Variants in OPCML observed in about 807,000 individuals in gnomAD.
OPCML encodes opioid binding protein/cell adhesion molecule like.
In OPCML, 13 loss-of-function variants were observed where a neutral mutation model predicts 37.8. That is an observed-to-expected ratio of 0.34 (90% CI 0.22 to 0.55). OPCML has a LOEUF of 0.55. Among genes scored for constraint, OPCML ranks in the 20% least tolerant of loss-of-function variants. OPCML has a pLI of 0.91. For synonymous variants in OPCML, 176 were observed against 168.8 expected, an observed-to-expected ratio of 1.04 and a Z score of -0.33; for missense variants, 341 against 435.6, an observed-to-expected ratio of 0.78 and a Z score of 1.93.
chr11:133,215,205 A>AGTGTGT (rs1555116219), intron 1 of OPCML, among the ~76,000 whole-genome samples: 1 of 151,404 alleles, frequency 6.6e-6, no homozygotes, highest in African/African-American at 2.4e-5. Flanking sequence ...AGAGAGAGAG[A>AGTGTGT]GTGTGTGTGT....
At chr11:132,779,541 T>C (rs1451228573) in intron 2 of OPCML, among the ~76,000 whole-genome samples, 1 of 143,394 alleles carries the variant, frequency 7.0e-6, no homozygotes, top group South Asian at 2.3e-4. Context: ...TTGTGAGTGA[T>C]GATAGATAGA....
At chr11:133,454,740 G>A (rs61912404) in intron 1 of OPCML, among the ~76,000 whole-genome samples, 2 of 152,126 alleles carry the variant, frequency 1.3e-5, no homozygotes, top group Non-Finnish European at 2.9e-5. Flanking sequence ...GCTATATCAC[G>A]ATGTCTTTGG....
chr11:132,822,278 C>T (rs1347759213), intron 2 of OPCML, among the ~76,000 whole-genome samples: 2 of 149,948 alleles, frequency 1.3e-5, no homozygotes, highest in Non-Finnish European at 2.9e-5. Context: ...CTCCCCCCAC[C>T]GCTTGCCAGA....
chr11:133,321,040 C>T (rs1943317617), intron 1 of OPCML, among the ~76,000 whole-genome samples: 2 of 152,124 alleles, frequency 1.3e-5, no homozygotes, highest in South Asian at 2.1e-4. Context: ...TTTAACAACC[C>T]CTCAGCCATG....
intron 1 of OPCML, among the ~76,000 whole-genome samples, chr11:133,058,843 A>G (rs1023496190): frequency 6.6e-6 from 1 of 152,236 alleles, no homozygotes; most frequent in African/African-American, 2.4e-5. Flanking sequence ...CAGTCAATAG[A>G]TAGAAGTAAC....
intron 3 of OPCML, among the ~76,000 whole-genome samples, chr11:132,609,068 CT>C (rs1385233630): frequency 1.3e-5 from 2 of 151,804 alleles, no homozygotes; most frequent in East Asian, 3.9e-4. Context: ...GTGAGAGTGA[CT>C]TTTTTAATAC....
chr11:133,232,282 C>T lies in OPCML; in HGVS notation c.62-289272G>A, dbSNP rs183329351. On this transcript the variant is annotated intron_variant, in intron 1 of 7. Transcript: ENST00000524381. ...AACTACTCTTTGATGAGAAACCATACGGTGTGGTAGAGAAAGCGCAGAGTT... is the reference window on the plus strand; with the variant it reads ...AACTACTCTTTGATGAGAAACCATATGGTGTGGTAGAGAAAGCGCAGAGTT... 1.4e-4 allele frequency among the ~76,000 whole-genome samples: 21 copies of T among 152,252 alleles called. No homozygotes were observed. The East Asian group carries it at 2.3e-3, about 17-fold the overall frequency.
chr11:133,205,916 T>A lies in OPCML; in HGVS notation c.62-262906A>T, dbSNP rs1361342168. On this transcript the variant is annotated intron_variant, in intron 1 of 7. Transcript: ENST00000524381. The surrounding 1 kb of genome is among the most constrained non-coding windows in gnomAD (Gnocchi z 4.8). ...AAAGTGGGGGCCAGGGTTCACAATC[T>A]GTCTCCAAATCCCAGACAGCTCTGT... Among the ~76,000 whole-genome samples, 1 of 152,186 alleles carries A rather than the reference T, an allele frequency of 6.6e-6. No individual in the cohort carries two copies. Among genetic ancestry groups the A allele is most frequent in the African/African-American group, 2.4e-5 (1 of 41,456 alleles).
intron 1 of OPCML, among the ~76,000 whole-genome samples, chr11:133,289,441 A>G (rs979825183): frequency 4.6e-5 from 7 of 151,564 alleles, no homozygotes; most frequent in African/African-American, 1.7e-4. Context: ...TAAAAATACA[A>G]AAAATTAGCC....
intron 2 of OPCML, among the ~76,000 whole-genome samples, chr11:132,737,954 C>T (rs915252867): frequency 6.6e-6 from 1 of 152,148 alleles, no homozygotes; most frequent in Non-Finnish European, 1.5e-5. Flanking sequence ...TCCTATCTTT[C>T]ACCTCTATAA....
intron 1 of OPCML, among the ~76,000 whole-genome samples, chr11:133,240,234 A>AG (rs1565523837): frequency 6.6e-6 from 1 of 151,462 alleles, no homozygotes; most frequent in Non-Finnish European, 1.5e-5. Context: ...AAAAAAAAAA[A>AG]ACAGAGGGGC....
In OPCML at chr11:133,205,170, A is replaced by G. The variant is rs531040589; in HGVS notation, c.62-262160T>C. Among the ~76,000 whole-genome samples, 2 of 151,988 alleles carry G rather than the reference A, an allele frequency of 1.3e-5. No homozygotes were observed. Among genetic ancestry groups the G allele is most frequent in the African/African-American group, 4.8e-5 (2 of 41,484 alleles). ...GTTGCTCACCAATGGCTAATGATGT[A>G]ATCAATTATGGCAACCTAATGAAGC... On this transcript the variant is annotated intron_variant, in intron 1 of 7. Coordinates refer to ENST00000524381, the MANE Select transcript of OPCML (RefSeq NM_001012393.5). This position sits in a 1 kb window ranked among gnomAD's most constrained non-coding sequence, Gnocchi z 4.8.
intron 1 of OPCML, among the ~76,000 whole-genome samples, chr11:133,338,677 G>A (rs1429877636): frequency 6.6e-6 from 1 of 152,202 alleles, no homozygotes; most frequent in Non-Finnish European, 1.5e-5. Context: ...TCAAAAAGGT[G>A]CCTCATTCTA....
chr11:132,729,878 T>C (rs1945016065), intron 2 of OPCML, among the ~76,000 whole-genome samples: 1 of 152,128 alleles, frequency 6.6e-6, no homozygotes, highest in Non-Finnish European at 1.5e-5. Flanking sequence ...CAAGTAGAAC[T>C]TACTTAATAT....
At chr11:133,442,514 G>A (rs538412311) in intron 1 of OPCML, among the ~76,000 whole-genome samples, 7 of 152,156 alleles carry the variant, frequency 4.6e-5, no homozygotes, top group Non-Finnish European at 1.0e-4. Context: ...TTATTTGCAA[G>A]AGTGGAATCT....
Position 132,989,687 on chromosome 11 carries a change from C to T in OPCML, c.62-46677G>A, listed in dbSNP as rs888672417. ...TGTGGATCTGTGGTTGCTTATGATA[C>T]TATTTTTTAAATAAAAATAAAAAGG... On this transcript the variant is annotated intron_variant, in intron 1 of 7. Transcript: ENST00000524381. Among the ~76,000 whole-genome samples the T allele has an allele frequency of 8.8e-5, 13 of 148,252 alleles. No homozygotes were observed. In the East Asian group the frequency reaches 1.8e-3, roughly 21 times the overall value.
At chr11:132,494,365 G>C (rs1234724965) in intron 4 of OPCML, among the ~76,000 whole-genome samples, 1 of 152,174 alleles carries the variant, frequency 6.6e-6, no homozygotes, top group Admixed American at 6.5e-5. Context: ...TTTTGAAAAA[G>C]TATGAAATAA....
chr11:132,857,516 A>G (rs1942104086), intron 2 of OPCML, among the ~76,000 whole-genome samples: 1 of 152,218 alleles, frequency 6.6e-6, no homozygotes, highest in South Asian at 2.1e-4. Flanking sequence ...CAACTATCAC[A>G]CAATCTATGA....
chr11:132,484,800 C>T (rs1475472156), intron 4 of OPCML, among the ~76,000 whole-genome samples: 1 of 152,078 alleles, frequency 6.6e-6, no homozygotes, highest in Non-Finnish European at 1.5e-5. Context: ...TCATCATTCT[C>T]AGTAAACTAT....
Sources: allele counts gnomAD v4.1 joint callset (sites outside exome capture counted in the v4.1 genomes callset), GRCh38; gene constraint gnomAD v4.1.1; non-coding constraint Gnocchi (gnomAD v3.1); transcripts MANE v1.5; gene names NCBI Gene and HGNC (gene_info 2026-07-23, HGNC 2026-07-21).